The following IQSEC1 variants were observed in gnomAD, a reference collection of about 807,000 sequenced individuals.
IQSEC1 encodes IQ motif and Sec7 domain ArfGEF 1, also known as IQ motif and SEC7 domain-containing protein 1.
In IQSEC1, 31 loss-of-function variants were observed where a neutral mutation model predicts 91.0. That is an observed-to-expected ratio of 0.34 (90% CI 0.26 to 0.46). The LOEUF is 0.46. Ranked by LOEUF, IQSEC1 falls within the 20% of genes least tolerant of loss-of-function variation. IQSEC1 has a pLI of 1.00. For missense variants in IQSEC1, 1,388 were observed against 1,575.6 expected, an observed-to-expected ratio of 0.88 and a Z score of 2.02; for synonymous variants, 699 against 662.6, an observed-to-expected ratio of 1.05 and a Z score of -0.84.
At chr3:12,930,345 G>C (rs1697559158) in intron 3 of IQSEC1, among the ~76,000 whole-genome samples, 1 of 152,218 alleles carries the variant, frequency 6.6e-6, no homozygotes, top group Admixed American at 6.5e-5. Context: ...GGATGCCTAA[G>C]AGATGTGGAA....
intron 1 of IQSEC1, among the ~76,000 whole-genome samples, chr3:13,266,182 G>C (rs1695487360): frequency 6.6e-6 from 1 of 152,182 alleles, no homozygotes; most frequent in Non-Finnish European, 1.5e-5. Context: ...AATGGAGCCA[G>C]TATCCAAACC....
chr3:12,924,586 C>A lies in IQSEC1; in HGVS notation c.1725G>T (p.Val575=). The change falls in exon 4 of 14, where the codon GTG becomes GTT. Residue 575 remains valine, a synonymous_variant. Coordinates refer to ENST00000613206, the MANE Select transcript of IQSEC1 (RefSeq NM_001134382.3). This position sits in a 1 kb window ranked among gnomAD's most constrained non-coding sequence, Gnocchi z 6.3. ...GNRQKQFNRD[V]LDCVVDEMDF... ...CACCCCCATGCAGAACTTACTCGAG[C>A]ACGTCACGGTTGAACTGCTTCTGCC... 1 of 1,594,648 alleles carries A rather than the reference C, an allele frequency of 6.3e-7. No individual in the cohort carries two copies.
chr3:12,948,307 C>G (rs1466222092), intron 1 of IQSEC1, among the ~76,000 whole-genome samples: 2 of 152,240 alleles, frequency 1.3e-5, no homozygotes, highest in Non-Finnish European at 1.5e-5. Flanking sequence ...GCCTAGTGCC[C>G]CAAGCCAGGG....
chr3:13,260,010 A>G (rs1695354603), intron 1 of IQSEC1, among the ~76,000 whole-genome samples: 1 of 152,272 alleles, frequency 6.6e-6, no homozygotes, highest in Admixed American at 6.5e-5. Flanking sequence ...TGTTCTAGCA[A>G]AAGTTGTGCC....
intron 3 of IQSEC1, among the ~76,000 whole-genome samples, chr3:12,926,246 G>T (rs1161319646): frequency 2.0e-5 from 3 of 151,682 alleles, no homozygotes; most frequent in Non-Finnish European, 4.4e-5. Flanking sequence ...GGAGGCGCAG[G>T]TTACGGTGAG....
chr3:13,174,913 A>AG (rs1234667161), intron 1 of IQSEC1, among the ~76,000 whole-genome samples: 1 of 151,330 alleles, frequency 6.6e-6, no homozygotes, highest in Admixed American at 6.6e-5. Flanking sequence ...CTCACACACA[A>AG]GGCCACTCCT....
At chr3:12,971,206 C>T (rs1478819192) in intron 1 of IQSEC1, among the ~76,000 whole-genome samples, 2 of 152,154 alleles carry the variant, frequency 1.3e-5, no homozygotes, top group African/African-American at 4.8e-5. Context: ...CTCCAACTAC[C>T]CTGGCAAACC....
chr3:13,014,765 T>A (rs962059308), intron 1 of IQSEC1, among the ~76,000 whole-genome samples: 3 of 151,940 alleles, frequency 2.0e-5, no homozygotes, highest in Non-Finnish European at 4.4e-5. Flanking sequence ...GGCTCAGGGG[T>A]TACAGCTCAG....
chr3:13,118,978 C>G (rs1017425849), intron 2 of IQSEC1, among the ~76,000 whole-genome samples: 30 of 151,654 alleles, frequency 2.0e-4, no homozygotes, highest in African/African-American at 6.8e-4. Context: ...GAAGCTGAGG[C>G]AGAGGAGAAT....
At chr3:12,907,344 AAGGTGGGGC>A (rs1048072370) in intron 12 of IQSEC1, among the ~76,000 whole-genome samples, 4 of 152,190 alleles carry the variant, frequency 2.6e-5, no homozygotes, top group South Asian at 2.1e-4. Context: ...AGGGAGTCCT[AAGGTGGGGC>A]AGGTGGGGCA....
At chr3:12,921,115 T>G (rs898280444) in intron 5 of IQSEC1, among the ~76,000 whole-genome samples, 54 of 152,020 alleles carry the variant, frequency 3.6e-4, no homozygotes, top group African/African-American at 1.3e-3. Context: ...AACACCCCCC[T>G]GCCTTGGAGT....
chr3:13,234,264 G>A (rs1353856736), intron 1 of IQSEC1, among the ~76,000 whole-genome samples: 1 of 149,304 alleles, frequency 6.7e-6, no homozygotes, highest in Non-Finnish European at 1.5e-5. Flanking sequence ...GTCTGTGCCT[G>A]TGGGTGTGAG....
chr3:13,034,689 T>G (rs1161684782), intron 1 of IQSEC1, among the ~76,000 whole-genome samples: 3 of 152,204 alleles, frequency 2.0e-5, no homozygotes, highest in African/African-American at 7.2e-5. Context: ...CTCTGGATGC[T>G]TGATTCTCAT....
chr3:13,040,215 C>A (rs1704201494), intron 1 of IQSEC1, among the ~76,000 whole-genome samples: 1 of 152,232 alleles, frequency 6.6e-6, no homozygotes, highest in Admixed American at 6.5e-5. Flanking sequence ...CCTTCCCTGT[C>A]TGGAAAATTC....
At chr3:12,947,284 C>T (rs1465771064) in intron 1 of IQSEC1, among the ~76,000 whole-genome samples, 1 of 152,182 alleles carries the variant, frequency 6.6e-6, no homozygotes, top group Non-Finnish European at 1.5e-5. Context: ...AGTTCTCTGT[C>T]ACTGGAGGTG....
intron 1 of IQSEC1, among the ~76,000 whole-genome samples, chr3:13,025,224 C>G (rs1025303030): frequency 3.3e-5 from 5 of 152,244 alleles, no homozygotes; most frequent in African/African-American, 1.2e-4. Flanking sequence ...GCCTTCACCC[C>G]CTCAGCCATT....
intron 2 of IQSEC1, among the ~76,000 whole-genome samples, chr3:13,117,026 T>C (rs1252575548): frequency 2.0e-5 from 3 of 150,746 alleles, no homozygotes; most frequent in Admixed American, 6.7e-5. Flanking sequence ...TAAAGAACAC[T>C]ATGAAGAAAA....
intron 1 of IQSEC1, among the ~76,000 whole-genome samples, chr3:12,947,639 G>A (rs1055541679): frequency 6.6e-6 from 1 of 152,188 alleles, no homozygotes; most frequent in Non-Finnish European, 1.5e-5. Flanking sequence ...GATGAGTTCT[G>A]TATGTCCTGG....
intron 2 of IQSEC1, among the ~76,000 whole-genome samples, chr3:13,081,779 G>A (rs1376280391): frequency 1.3e-5 from 2 of 152,210 alleles, no homozygotes; most frequent in Admixed American, 1.3e-4. Flanking sequence ...GACACCGCCT[G>A]GCCCAGTGAC....
Sources: allele counts gnomAD v4.1 joint callset (sites outside exome capture counted in the v4.1 genomes callset), GRCh38; gene constraint gnomAD v4.1.1; non-coding constraint Gnocchi (gnomAD v3.1); transcripts MANE v1.5; gene names NCBI Gene and HGNC (gene_info 2026-07-23, HGNC 2026-07-21).